Variants in NUP54 observed in about 807,000 individuals in gnomAD.
NUP54 encodes the protein nucleoporin p54.
Under a neutral mutation model 66.4 loss-of-function variants are expected in NUP54, and 27 were observed. The ratio of observed to expected loss-of-function variants is 0.41; its 90% confidence interval spans 0.30 to 0.56. The LOEUF (loss-of-function observed/expected upper bound fraction) is 0.56, where lower values mean the gene tolerates loss of function less well. NUP54 is among the 20% of genes least tolerant of loss of function. NUP54 has a pLI of 0.34. For synonymous variants in NUP54, 206 were observed against 210.7 expected, an observed-to-expected ratio of 0.98 and a Z score of 0.19; for missense variants, 486 against 596.3, an observed-to-expected ratio of 0.82 and a Z score of 1.93.
intron 9 of NUP54, chr4:76,118,442 G>A: frequency 2.5e-6 from 1 of 406,030 alleles, no homozygotes. Context: ...CTGAAGTGCA[G>A]TGGCGTAAAC....
Position 76,115,457 on chromosome 4 carries a change from A to C in NUP54, c.1433T>G (p.Ile478Ser), listed in dbSNP as rs773183603. ...KQQQEGLSHL[I>S]SIIKDDLEDI... ...TTCTAGATCGTCTTTAATGATGCTA[A>C]TCAAATGGCTAAGGCCTTCCTGTTG... Residue 478 changes from isoleucine to serine, a missense_variant, in exon 12 of 12, where the codon ATT (isoleucine) becomes AGT (serine). Ile to Ser is a moderately radical substitution (Grantham distance 142). Transcript: ENST00000264883. The C allele has an allele frequency of 1.2e-6, 2 of 1,611,224 alleles. No individual in the cohort carries two copies. Among genetic ancestry groups the C allele is most frequent in the Non-Finnish European group, 1.7e-6 (2 of 1,178,766 alleles).
chr4:76,118,325 T>A, intron 9 of NUP54, 131 bp from the exon 10 acceptor site: 1 of 759,838 alleles, frequency 1.3e-6, no homozygotes, highest in Non-Finnish European at 2.2e-6. Context: ...AGTTCAGGAT[T>A]TGAATTATGT....
At chr4:76,122,059 TGGAG>T (rs1730258971) in intron 9 of NUP54, among the ~76,000 whole-genome samples, 5 of 152,246 alleles carry the variant, frequency 3.3e-5, no homozygotes, top group Admixed American at 3.3e-4. Flanking sequence ...TTTTGCCTTT[TGGAG>T]TATTTGCTAT....
chr4:76,144,350 C>G, intron 2 of NUP54, 40 bp downstream of exon 2: 1 of 1,596,122 alleles, frequency 6.3e-7, no homozygotes, highest in African/African-American at 1.4e-5. Flanking sequence ...CTGACCTCTA[C>G]TTCATTTACT....
intron 1 of NUP54, chr4:76,147,396 G>C (rs1399912084): frequency 4.3e-6 from 4 of 925,222 alleles, no homozygotes; most frequent in Non-Finnish European, 5.8e-6. Flanking sequence ...ACAAGTAACT[G>C]TTCTTTCCCA....
At chr4:76,136,460 C>G in intron 3 of NUP54, 48 bp from the exon 4 acceptor site, 3 of 1,511,176 alleles carry the variant, frequency 2.0e-6, no homozygotes, top group Non-Finnish European at 2.7e-6. Context: ...CAAAACAAAA[C>G]TTAATCCAGA....
At chr4:76,127,546 G>A (rs559574679) in intron 8 of NUP54, among the ~76,000 whole-genome samples, 6 of 151,258 alleles carry the variant, frequency 4.0e-5, no homozygotes, top group Admixed American at 1.3e-4. Flanking sequence ...AGACTCAAAC[G>A]TGAAAGGTTA....
chr4:76,140,407 T>A (rs1578692435), intron 3 of NUP54, among the ~76,000 whole-genome samples: 1 of 142,328 alleles, frequency 7.0e-6, no homozygotes, highest in Non-Finnish European at 1.6e-5. Flanking sequence ...TGTCTCAGCC[T>A]CCCGAGTAAC....
At chr4:76,133,927 G>A (rs1403231973) in intron 5 of NUP54, among the ~76,000 whole-genome samples, 1 of 152,000 alleles carries the variant, frequency 6.6e-6, no homozygotes, top group Admixed American at 6.5e-5. Context: ...ACGCATCTAT[G>A]ACAAATGGTC....
intron 3 of NUP54, among the ~76,000 whole-genome samples, chr4:76,140,774 C>G (rs2109904284): frequency 6.6e-6 from 1 of 152,196 alleles, no homozygotes; most frequent in South Asian, 2.1e-4. Context: ...AGGTATTATC[C>G]CCTCTTCCAT....
At chr4:76,134,063 G>A (rs577296421) in intron 5 of NUP54, 112 bp downstream of exon 5, 2 of 661,612 alleles carry the variant, frequency 3.0e-6, no homozygotes, top group Non-Finnish European at 4.9e-6. Context: ...CTGAGAAAAG[G>A]CATTCTGCTC....
intron 6 of NUP54, chr4:76,132,268 G>T: frequency 3.9e-6 from 1 of 257,028 alleles, no homozygotes; most frequent in East Asian, 7.2e-5. Flanking sequence ...AATTACCTTT[G>T]GGTAGATGGA....
chr4:76,129,829 T>C (rs1158863115), intron 8 of NUP54, among the ~76,000 whole-genome samples: 1 of 117,960 alleles, frequency 8.5e-6, no homozygotes, highest in Non-Finnish European at 1.6e-5. Flanking sequence ...CGCGCCACTG[T>C]GCTCCAGCCT....
intron 8 of NUP54, among the ~76,000 whole-genome samples, chr4:76,129,982 T>G (rs1730728372): frequency 2.2e-5 from 2 of 91,010 alleles, no homozygotes; most frequent in Admixed American, 2.2e-4. Context: ...TTTTTTTTTT[T>G]TTTTTTTTTT....
At position 76,136,424 on chromosome 4, in the gene NUP54, C is replaced by A. The variant is rs1390677582; in HGVS notation, c.296-12G>T. 1.7e-5 allele frequency: 27 copies of A among 1,596,434 alleles called. No individual in the cohort carries two copies. Among genetic ancestry groups the A allele is most frequent in the Non-Finnish European group, 2.1e-5 (25 of 1,168,010 alleles). ...GAGACCACCTAATGCTAAAAATGTA[C>A]CCAAAATTAGTATTTAAAAACAAAA... On this transcript the variant is annotated splice_polypyrimidine_tract_variant and intron_variant, in intron 3 of 11. Transcript: ENST00000264883.
At chr4:76,124,584 T>C (rs1034045788) in intron 9 of NUP54, 65 bp downstream of exon 9, 1 of 425,898 alleles carries the variant, frequency 2.3e-6, no homozygotes, top group Non-Finnish European at 4.2e-6. Context: ...TAAAAATCTA[T>C]ATTTAGTACA....
intron 1 of NUP54, among the ~76,000 whole-genome samples, chr4:76,146,879 G>A (rs1035236349): frequency 1.3e-5 from 2 of 152,146 alleles, no homozygotes; most frequent in African/African-American, 4.8e-5. Flanking sequence ...AAACTAAACT[G>A]CTCTCTTTGA....
intron 1 of NUP54, chr4:76,148,076 C>G: frequency 2.4e-6 from 1 of 421,276 alleles, no homozygotes. Context: ...AGCCAGGGCC[C>G]TGTGGAAACT....
chr4:76,145,029 T>C (rs1731425358), intron 1 of NUP54, among the ~76,000 whole-genome samples: 1 of 152,150 alleles, frequency 6.6e-6, no homozygotes. Flanking sequence ...TAAAATTTAT[T>C]GGTTTTTGGC....
Sources: gnomAD v4.1 joint callset for allele counts (sites outside exome capture counted in the v4.1 genomes callset) on GRCh38, gnomAD v4.1.1 for gene constraint, MANE v1.5 for transcripts, NCBI Gene and HGNC (gene_info 2026-07-23, HGNC 2026-07-21) for gene names.